Variants in FAT4 observed in about 807,000 individuals in gnomAD.
FAT4 encodes protocadherin Fat 4.
FAT4 carries 84 observed loss-of-function variants against 303.9 expected under a neutral mutation model. The observed-to-expected ratio is 0.28, with a 90% CI of 0.23 to 0.33. FAT4 has a LOEUF of 0.33. FAT4 is among the 10% of genes least tolerant of loss of function. The pLI is 1.00. For missense variants in FAT4, 6,005 were observed against 6,146.8 expected (o/e 0.98, Z 0.77); for synonymous variants, 2,307 against 2,298.8 (o/e 1.00, Z -0.10).
At chr4:125,485,537 C>T (rs1727377811) in intron 16 of FAT4, among the ~76,000 whole-genome samples, 1 of 152,090 alleles carries the variant, frequency 6.6e-6, no homozygotes, top group South Asian at 2.1e-4. Context: ...CATCTTGTCC[C>T]AGTGGAAGGT....
At chr4:125,404,026 T>G (rs1310692693) in intron 3 of FAT4, among the ~76,000 whole-genome samples, 3 of 152,152 alleles carry the variant, frequency 2.0e-5, no homozygotes, top group African/African-American at 7.2e-5. Flanking sequence ...ACAAATTAAT[T>G]AGTGCCCTGG....
chr4:125,396,756 A>G (rs1734189388), intron 2 of FAT4, among the ~76,000 whole-genome samples: 1 of 152,092 alleles, frequency 6.6e-6, no homozygotes, highest in South Asian at 2.1e-4. Context: ...AATTCTATGA[A>G]TCTAAAAGTT....
At position 125,492,152 on chromosome 4, in the gene FAT4, T is replaced by C. The variant is rs1210978791; in HGVS notation, c.*384T>C. The C allele has an allele frequency of 1.2e-5, 2 of 170,842 alleles. No individual in the cohort carries two copies. Among genetic ancestry groups the C allele is most frequent in the African/African-American group, 4.8e-5 (2 of 41,774 alleles). 10.6% of individuals were successfully genotyped at this position (170,842 alleles called of 1,614,324 possible). On this transcript the variant is annotated 3_prime_UTR_variant, in exon 18 of 18. Transcript: ENST00000394329. ...TTTCAACTGTATTATTATAATTATATTTTGCATTGCAAGATTCTTGATGTT... is the reference window on the plus strand; with the variant it reads ...TTTCAACTGTATTATTATAATTATACTTTGCATTGCAAGATTCTTGATGTT...
intron 2 of FAT4, among the ~76,000 whole-genome samples, chr4:125,370,970 A>C (rs1733085229): frequency 6.6e-6 from 1 of 151,846 alleles, no homozygotes. Flanking sequence ...ACGTGGTGAA[A>C]CCTCGTCTCT....
Position 125,450,728 on chromosome 4 carries a change from A to G in FAT4, c.9718A>G (p.Ser3240Gly), listed in dbSNP as rs753546506. 1 of 1,614,148 alleles carries G rather than the reference A, an allele frequency of 6.2e-7. No individual in the cohort carries two copies. Among genetic ancestry groups the G allele is most frequent in the Non-Finnish European group, 8.5e-7 (1 of 1,180,008 alleles). The change falls in exon 10 of 18, where the codon AGT (serine) becomes GGT (glycine). Residue 3240 changes from serine (S) to glycine (G), a missense_variant. Ser to Gly is a moderately conservative substitution (Grantham distance 56). Transcript: ENST00000394329. ...TGCGTATACTGTACAGTCATCTGAC[A>G]GTGACCTCTTTGTCATTGACCCTAA... ...VIAYTVQSSD[S>G]DLFVIDPNTG...
At chr4:125,395,373 C>CAT (rs1734129498) in intron 2 of FAT4, among the ~76,000 whole-genome samples, 1 of 151,958 alleles carries the variant, frequency 6.6e-6, no homozygotes, top group African/African-American at 2.4e-5. Context: ...GCAGTGATGC[C>CAT]ATCTTGGCTC....
At chr4:125,466,777 CTT>C (rs759985717) in intron 11 of FAT4, among the ~76,000 whole-genome samples, 5 of 139,552 alleles carry the variant, frequency 3.6e-5, no homozygotes, top group Non-Finnish European at 3.1e-5. Flanking sequence ...TGTATAATTT[CTT>C]TTTTTTTTTT....
chr4:125,474,597 A>T (rs1333801051), intron 12 of FAT4, among the ~76,000 whole-genome samples: 1 of 152,030 alleles, frequency 6.6e-6, no homozygotes, highest in Non-Finnish European at 1.5e-5. Flanking sequence ...AGAGCTTATA[A>T]TAATTAACTT....
chr4:125,450,298 G>T lies in FAT4; in HGVS notation c.9288G>T (p.Met3096Ile). 6.2e-7 allele frequency: 1 copy of T among 1,614,102 alleles called. No homozygotes were observed. Among genetic ancestry groups the T allele is most frequent in the South Asian group, 1.1e-5 (1 of 91,084 alleles). Residue 3096 changes from methionine to isoleucine, a missense_variant, in exon 10 of 18, where the codon ATG (methionine) becomes ATT (isoleucine). Transcript: ENST00000394329. ...YHTPEFSQSH[M>I]SATIPESHSI... ...CACCTGAATTCTCTCAAAGCCACATGAGTGCAACCATCCCTGAGAGCCATA... is the reference window on the plus strand; with the variant it reads ...CACCTGAATTCTCTCAAAGCCACATTAGTGCAACCATCCCTGAGAGCCATA...
intron 8 of FAT4, among the ~76,000 whole-genome samples, chr4:125,442,823 TTATAC>T (rs1725704161): frequency 6.6e-6 from 1 of 152,086 alleles, no homozygotes; most frequent in Non-Finnish European, 1.5e-5. Context: ...GACTATTACG[TTATAC>T]ATATATATTA....
chr4:125,449,723 T>G lies in FAT4; in HGVS notation c.8713T>G (p.Ser2905Ala). Residue 2905 changes from serine (S) to alanine (A), a missense_variant, in exon 10 of 18, where the codon TCA becomes GCA. Coordinates refer to ENST00000394329, the MANE Select transcript of FAT4 (RefSeq NM_001291303.3). ...ATTTGCAACAGATCCTGATGAGGGATCAAATGGACAAGTGTTTTATTTCAT... is the reference window on the plus strand; with the variant it reads ...ATTTGCAACAGATCCTGATGAGGGAGCAAATGGACAAGTGTTTTATTTCAT... ...QVFATDPDEG[S>A]NGQVFYFIKS... 6.2e-7 allele frequency: 1 copy of G among 1,613,892 alleles called. No individual in the cohort carries two copies. The highest frequency in any genetic ancestry group is 8.5e-7 in the Non-Finnish European group (1 of 1,179,886).
At chr4:125,411,776 T>C (rs1734853629) in intron 5 of FAT4, among the ~76,000 whole-genome samples, 1 of 148,804 alleles carries the variant, frequency 6.7e-6, no homozygotes, top group South Asian at 2.1e-4. Flanking sequence ...GTGCTGTGCT[T>C]CTTAGAACAA....
chr4:125,482,067 A>G (rs1727249714), intron 16 of FAT4, among the ~76,000 whole-genome samples: 2 of 152,234 alleles, frequency 1.3e-5, no homozygotes, highest in South Asian at 4.1e-4. Flanking sequence ...GACAAAGCAA[A>G]CCAAAAATAT....
At chr4:125,385,824 TA>T (rs1267664885) in intron 2 of FAT4, among the ~76,000 whole-genome samples, 3 of 152,206 alleles carry the variant, frequency 2.0e-5, no homozygotes, top group Non-Finnish European at 4.4e-5. Flanking sequence ...AGTCAATTTT[TA>T]AAAAAAATTC....
In FAT4 at chr4:125,451,439, A is replaced by G; in HGVS notation, c.10429A>G (p.Ile3477Val). 1 of 1,614,100 alleles carries G rather than the reference A, an allele frequency of 6.2e-7. No individual in the cohort carries two copies. The highest frequency in any genetic ancestry group is 1.1e-5 in the South Asian group (1 of 91,080). Residue 3477 changes from isoleucine (I) to valine (V), a missense_variant, in exon 10 of 18, where the codon ATC (isoleucine) becomes GTC (valine). By Grantham distance (29) the Ile-to-Val change is conservative (BLOSUM62 3). Coordinates refer to ENST00000394329, the MANE Select transcript of FAT4 (RefSeq NM_001291303.3). The part of the protein sequence containing the change: ...TAELDRETLP[I>V]YNLSVLAVDS... The stretch of plus-strand genomic sequence containing the variant: ...AGAATTAGATCGAGAAACCCTTCCC[A>G]TCTATAATCTCTCAGTTTTGGCTGT...
intron 2 of FAT4, among the ~76,000 whole-genome samples, chr4:125,386,131 A>G (rs1179685387): frequency 6.6e-6 from 1 of 152,174 alleles, no homozygotes; most frequent in Non-Finnish European, 1.5e-5. Flanking sequence ...AATAAAATGT[A>G]CTAGTGCAAT....
intron 2 of FAT4, among the ~76,000 whole-genome samples, chr4:125,329,610 T>A (rs1367987858): frequency 6.6e-6 from 1 of 152,190 alleles, no homozygotes; most frequent in African/African-American, 2.4e-5. Flanking sequence ...TTAAATGACA[T>A]ATATACACTG....
chr4:125,343,698 C>T (rs1276384210), intron 2 of FAT4, among the ~76,000 whole-genome samples: 1 of 151,952 alleles, frequency 6.6e-6, no homozygotes, highest in Non-Finnish European at 1.5e-5. Context: ...AGAATCCACA[C>T]TACAGAATAA....
At chr4:125,418,713 T>C (rs1339371863) in intron 7 of FAT4, among the ~76,000 whole-genome samples, 1 of 152,148 alleles carries the variant, frequency 6.6e-6, no homozygotes, top group Non-Finnish European at 1.5e-5. Flanking sequence ...TCTGGAAATA[T>C]TTACTGTACC....
Sources: gnomAD v4.1 joint callset for allele counts (sites outside exome capture counted in the v4.1 genomes callset) on GRCh38, gnomAD v4.1.1 for gene constraint, MANE v1.5 for transcripts, NCBI Gene and HGNC (gene_info 2026-07-23, HGNC 2026-07-21) for gene names.